Variants in BEND5 observed in about 807,000 individuals in gnomAD.
BEND5 encodes the protein BEN domain-containing protein 5.
Under a neutral mutation model 43.9 loss-of-function variants are expected in BEND5, and 22 were observed. That is an observed-to-expected ratio of 0.50 (90% confidence interval 0.36 to 0.72). The LOEUF (loss-of-function observed/expected upper bound fraction) is 0.72. BEND5 is among the 30% of genes least tolerant of loss of function. The probability of loss-of-function intolerance (pLI) is 0.00; values close to 1 mark genes in which losing one functional copy is unlikely to be tolerated. For synonymous variants in BEND5, 228 were observed against 225.9 expected (o/e 1.01, Z -0.08); for missense variants, 428 against 550.6 (o/e 0.78, Z 2.23).
At chr1:48,755,316 T>C (rs1268120899) in intron 3 of BEND5, among the ~76,000 whole-genome samples, 1 of 152,132 alleles carries the variant, frequency 6.6e-6, no homozygotes, top group Non-Finnish European at 1.5e-5. Flanking sequence ...GGTGAGTAAA[T>C]AATGATTCTT....
At chr1:48,758,333 A>G (rs939100480) in intron 3 of BEND5, among the ~76,000 whole-genome samples, 3 of 152,072 alleles carry the variant, frequency 2.0e-5, no homozygotes, top group Admixed American at 6.5e-5. Flanking sequence ...TGCTCCAGGT[A>G]TTTGCCCATG....
rs77805489 is a variant in BEND5, at chr1:48,737,689, A to G, written c.895-1237T>C. Among the ~76,000 whole-genome samples the G allele has an allele frequency of 2.0e-3, 306 of 152,348 alleles. 8 individuals carry two copies. The East Asian group carries it at 0.031, about 16-fold the overall frequency. On this transcript the variant is annotated intron_variant, in intron 4 of 5. Coordinates refer to ENST00000371833, the MANE Select transcript of BEND5 (RefSeq NM_024603.4). ...CAGAATGTTCCAGCAATAAGCTATA[A>G]GATTTTAATTTGTTCTCCTTTCTGC... is the stretch of plus-strand genomic sequence containing the variant.
intron 2 of BEND5, among the ~76,000 whole-genome samples, chr1:48,760,644 C>T (rs542581317): frequency 1.3e-5 from 2 of 152,294 alleles, no homozygotes; most frequent in Non-Finnish European, 2.9e-5. Flanking sequence ...CAATGAATGC[C>T]ATGAACTGAA....
chr1:48,769,315 C>T (rs1644687352), intron 1 of BEND5, among the ~76,000 whole-genome samples: 1 of 152,100 alleles, frequency 6.6e-6, no homozygotes, highest in South Asian at 2.1e-4. Context: ...CTCACTCCCA[C>T]CACCTCTCTG....
intron 4 of BEND5, among the ~76,000 whole-genome samples, chr1:48,739,986 C>G (rs1183896591): frequency 1.3e-5 from 2 of 152,324 alleles, no homozygotes; most frequent in East Asian, 3.9e-4. Context: ...AAGGCTTTGC[C>G]TCTTCTGTCC....
chr1:48,737,448 A>T lies in BEND5; in HGVS notation c.895-996T>A, dbSNP rs553229475. Among the ~76,000 whole-genome samples, 3 of 152,286 alleles carry T rather than the reference A, an allele frequency of 2.0e-5. No homozygotes were observed. In the East Asian group the frequency reaches 5.8e-4, roughly 29 times the overall value. On this transcript the variant is annotated intron_variant, in intron 4 of 5. Transcript: ENST00000371833. Reference sequence around the variant, plus strand: ...AAGTAAGGAGAGCAGCTGCCCTGCCAATTGGAGTAGGGCTGTGCCAGTCCT... The same window carrying T: ...AAGTAAGGAGAGCAGCTGCCCTGCCTATTGGAGTAGGGCTGTGCCAGTCCT...
chr1:48,730,819 A>G (rs1338028850), intron 5 of BEND5, among the ~76,000 whole-genome samples: 2 of 152,210 alleles, frequency 1.3e-5, no homozygotes, highest in East Asian at 3.9e-4. Flanking sequence ...TAAAAAAGTT[A>G]TAAAAATTAA....
rs1190482953 is a variant in BEND5, at chr1:48,761,475, A to G, written c.227-5T>C. The stretch of plus-strand genomic sequence containing the variant: ...TTTCAAGGTCAGATTTGTCTTCTAA[A>G]ATGCATATCAAGAGAACAAGGTTCA... On this transcript the variant is annotated splice_polypyrimidine_tract_variant and splice_region_variant and intron_variant, in intron 1 of 5. Coordinates refer to ENST00000371833, the MANE Select transcript of BEND5 (RefSeq NM_024603.4). 3.2e-6 allele frequency: 5 copies of G among 1,549,576 alleles called. No homozygotes were observed. Among genetic ancestry groups the G allele is most frequent in the Non-Finnish European group, 2.6e-6 (3 of 1,146,696 alleles).
At chr1:48,730,746 C>T (rs914570387) in intron 5 of BEND5, among the ~76,000 whole-genome samples, 4 of 152,094 alleles carry the variant, frequency 2.6e-5, no homozygotes, top group Admixed American at 6.5e-5. Flanking sequence ...TCTCCCTCTG[C>T]GAGGGAGCAT....
At position 48,776,724 on chromosome 1, in the gene BEND5, C is replaced by G; in HGVS notation, c.108G>C (p.Lys36Asn). Residue 36 changes from lysine (K) to asparagine (N), a missense_variant, in exon 1 of 6, where the codon AAG becomes AAC. Around this residue, in one of 4 missense-constraint regions of BEND5, gnomAD observed 107 missense variants for 98.8 expected, o/e 1.08. Coordinates refer to ENST00000371833, the MANE Select transcript of BEND5 (RefSeq NM_024603.4). ...PRSRLDFDNQ[K>N]VYAVYRGPEE... is the part of the protein sequence containing the mutation. The stretch of plus-strand genomic sequence containing the variant: ...CCGGGCCCCGGTACACGGCGTACAC[C>G]TTCTGGTTGTCAAAATCCAGCCGCG... 1 of 1,529,378 alleles carries G rather than the reference C, an allele frequency of 6.5e-7. No individual in the cohort carries two copies. The highest frequency in any genetic ancestry group is 8.8e-7 in the Non-Finnish European group (1 of 1,138,676). 94.7% of individuals were successfully genotyped at this position (1,529,378 alleles called of 1,614,324 possible).
At chr1:48,751,495 T>C (rs1651724119) in intron 3 of BEND5, among the ~76,000 whole-genome samples, 1 of 152,196 alleles carries the variant, frequency 6.6e-6, no homozygotes, top group African/African-American at 2.4e-5. Flanking sequence ...CTCAGGCAAG[T>C]TACCTAATCT....
At chr1:48,748,307 C>T (rs990463875) in intron 3 of BEND5, among the ~76,000 whole-genome samples, 6 of 152,174 alleles carry the variant, frequency 3.9e-5, no homozygotes, top group African/African-American at 1.4e-4. Context: ...TGTTTCTTAG[C>T]CCCATTAGTC....
intron 2 of BEND5, among the ~76,000 whole-genome samples, chr1:48,760,473 T>C (rs1199527788): frequency 6.6e-6 from 1 of 152,232 alleles, no homozygotes; most frequent in Non-Finnish European, 1.5e-5. Flanking sequence ...TCGTTTTATC[T>C]GCTGAGATAA....
intron 1 of BEND5, among the ~76,000 whole-genome samples, chr1:48,773,652 T>C (rs776020572): frequency 1.6e-4 from 25 of 152,190 alleles, no homozygotes; most frequent in Non-Finnish European, 2.6e-4. Flanking sequence ...TTCCAAATCA[T>C]GCTGTGTAGC....
At position 48,759,279 on chromosome 1, in the gene BEND5, A is replaced by G; in HGVS notation, c.366T>C (p.Pro122=). The G allele has an allele frequency of 6.4e-7, 1 of 1,554,808 alleles. No homozygotes were observed. The highest frequency in any genetic ancestry group is 8.7e-7 in the Non-Finnish European group (1 of 1,148,966). Residue 122 remains proline, a synonymous_variant, in exon 3 of 6, where the codon CCT becomes CCC. Coordinates refer to ENST00000371833, the MANE Select transcript of BEND5 (RefSeq NM_024603.4). ...EDLQLRHIKR[P]EGRKPSEVAH... ...CCACTTCGCTCGGCTTCCGCCCCTC[A>G]GGTCTCTGTGTAGGACAACGAGAAT... is the stretch of plus-strand genomic sequence containing the variant.
chr1:48,746,996 A>C (rs1246556351), intron 3 of BEND5, among the ~76,000 whole-genome samples: 1 of 152,218 alleles, frequency 6.6e-6, no homozygotes, highest in African/African-American at 2.4e-5. Flanking sequence ...AGAGGGGAGA[A>C]AATCACTTCA....
In BEND5 at chr1:48,761,514, T is replaced by C. The variant is rs1644253550; in HGVS notation, c.227-44A>G. On this transcript the variant is annotated intron_variant, in intron 1 of 5. Transcript: ENST00000371833. ...GAACAAGGTTCATCATGAGTTAAAA[T>C]GAGTCATTATGAGTTTAGAATGCCC... 2.6e-6 allele frequency: 4 copies of C among 1,525,446 alleles called. No individual in the cohort carries two copies. The Middle Eastern group carries it at 5.9e-4, about 224-fold the overall frequency. The allele number at this position is 1,525,446 out of a possible 1,614,324, so 94.5% of individuals were successfully genotyped here.
At chr1:48,762,225 C>A (rs1238032859) in intron 1 of BEND5, among the ~76,000 whole-genome samples, 2 of 152,182 alleles carry the variant, frequency 1.3e-5, no homozygotes, top group Non-Finnish European at 2.9e-5. Context: ...GTGCTCACGA[C>A]ACATACTGAA....
chr1:48,756,569 G>A (rs986488941), intron 3 of BEND5, among the ~76,000 whole-genome samples: 4 of 152,330 alleles, frequency 2.6e-5, no homozygotes, highest in Admixed American at 6.5e-5. Flanking sequence ...AGGAAAGAAG[G>A]ACATGAGCTT....
Sources: gnomAD v4.1 joint callset for allele counts (sites outside exome capture counted in the v4.1 genomes callset) on GRCh38, gnomAD v4.1.1 for gene constraint, gnomAD v4.1.1 regional missense constraint, MANE v1.5 for transcripts, NCBI Gene and HGNC (gene_info 2026-07-23, HGNC 2026-07-21) for gene names.